The following LRRK1 variants were observed in gnomAD, a reference collection of about 807,000 sequenced individuals.
LRRK1 encodes the protein leucine-rich repeat serine/threonine-protein kinase 1.
A neutral mutation model predicts 209.1 loss-of-function variants in LRRK1; 113 were observed. That is an observed-to-expected ratio of 0.54 (90% CI 0.46 to 0.63). The LOEUF (loss-of-function observed/expected upper bound fraction) is 0.63. Among genes scored for constraint, LRRK1 ranks in the 30% least tolerant of loss-of-function variants. LRRK1 has a pLI of 0.00. For synonymous variants in LRRK1, 1,144 were observed against 1,099.7 expected (o/e 1.04, Z -0.80); for missense variants, 2,284 against 2,632.2 (o/e 0.87, Z 2.89).
chr15:100,948,439 G>A (rs73484806), intron 2 of LRRK1, among the ~76,000 whole-genome samples: 7,921 of 152,294 alleles, frequency 0.052, 611 homozygotes, highest in African/African-American at 0.17. Context: ...TCCCCTCCCT[G>A]TGGGTTGTAC....
chr15:100,927,149 C>A (rs896362914), intron 2 of LRRK1, among the ~76,000 whole-genome samples: 1 of 152,136 alleles, frequency 6.6e-6, no homozygotes, highest in South Asian at 2.1e-4. Flanking sequence ...ATTCAGGAGG[C>A]CTGGGGCACA....
Position 101,027,522 on chromosome 15 carries a change from G to C in LRRK1, c.2527-116G>C, listed in dbSNP as rs897892820. The C allele has an allele frequency of 1.3e-6, 2 of 1,497,664 alleles. No individual in the cohort carries two copies. Among genetic ancestry groups the C allele is most frequent in the African/African-American group, 2.8e-5 (2 of 72,256 alleles). 92.8% of individuals were successfully genotyped at this position (1,497,664 alleles called of 1,614,324 possible). A position where few individuals can be genotyped will look rare whatever the true frequency, so the allele number is the denominator to read the frequency against. On this transcript the variant is annotated intron_variant, in intron 18 of 33. Transcript: ENST00000388948. This position sits in a 1 kb window ranked among gnomAD's most constrained non-coding sequence, Gnocchi z 5.1. ...CTGGTGAGGGAGGGTCAGGATGGAA[G>C]ATAGTGGGTGGAAACGTCCCACCCC...
rs1433318663 is a variant in LRRK1 at position 101,057,984 on chromosome 15, C to T, written c.4528-6C>T. On this transcript the variant is annotated splice_region_variant and splice_polypyrimidine_tract_variant and intron_variant, in intron 28 of 33. Coordinates refer to ENST00000388948, the MANE Select transcript of LRRK1 (RefSeq NM_024652.6). ...TTGCTCTCTTCTGGTGGCTTCTCTC[C>T]CTCAGCGACCGCTGGCCCTGTCGGT... 1 of 1,613,970 alleles carries T rather than the reference C, an allele frequency of 6.2e-7. No individual in the cohort carries two copies. The highest frequency in any genetic ancestry group is 8.5e-7 in the Non-Finnish European group (1 of 1,179,952).
chr15:101,018,931 A>G (rs936111), intron 12 of LRRK1, among the ~76,000 whole-genome samples: 19,549 of 152,294 alleles, frequency 0.13, 1,337 homozygotes, highest in East Asian at 0.16. Context: ...GCTTGTTTGC[A>G]GTAGGATAGT....
intron 7 of LRRK1, among the ~76,000 whole-genome samples, chr15:101,009,548 G>T (rs1026069830): frequency 6.6e-6 from 1 of 152,052 alleles, no homozygotes; most frequent in Non-Finnish European, 1.5e-5. Context: ...GAGCTTGCAT[G>T]GAAGGAGGAA....
At chr15:101,067,053 G>A (rs1567293275) in intron 33 of LRRK1, among the ~76,000 whole-genome samples, 1 of 152,180 alleles carries the variant, frequency 6.6e-6, no homozygotes, top group Non-Finnish European at 1.5e-5. Context: ...GATGCATCCA[G>A]GTCATTGATT....
intron 10 of LRRK1, among the ~76,000 whole-genome samples, chr15:101,013,207 T>G (rs1045506449): frequency 3.9e-5 from 6 of 152,148 alleles, no homozygotes; most frequent in African/African-American, 9.7e-5. Flanking sequence ...TGGCAGGGTC[T>G]CCATAGAATT....
chr15:100,921,884 A>T (rs2141588194), intron 1 of LRRK1, among the ~76,000 whole-genome samples: 1 of 151,996 alleles, frequency 6.6e-6, no homozygotes. Flanking sequence ...TGCCCAGCTA[A>T]TTTTTGTAAT....
intron 2 of LRRK1, among the ~76,000 whole-genome samples, chr15:100,927,110 CT>C (rs1215487259): frequency 6.6e-6 from 1 of 152,212 alleles, no homozygotes; most frequent in Admixed American, 6.5e-5. Flanking sequence ...CACATGTCCC[CT>C]GGGGATCCTG....
At chr15:101,048,833 G>C (rs892976694) in intron 22 of LRRK1, among the ~76,000 whole-genome samples, 176 bp downstream of exon 22, 1 of 152,182 alleles carries the variant, frequency 6.6e-6, no homozygotes, top group African/African-American at 2.4e-5. Flanking sequence ...CAGAGGCTCC[G>C]GTCTCCTCAC....
intron 6 of LRRK1, among the ~76,000 whole-genome samples, chr15:100,998,339 A>T (rs1366228368): frequency 6.6e-6 from 1 of 152,112 alleles, no homozygotes; most frequent in Non-Finnish European, 1.5e-5. Context: ...TCGACCCAGG[A>T]CACCCTGCAG....
Position 101,054,983 on chromosome 15 carries a change from A to G in LRRK1, c.4092A>G (p.Gln1364=). 1 of 1,613,778 alleles carries G rather than the reference A, an allele frequency of 6.2e-7. No individual in the cohort carries two copies. The highest frequency in any genetic ancestry group is 8.5e-7 in the Non-Finnish European group (1 of 1,179,904). ...TACCCCTGGGACACATGCTCACCCAAAAAATAGCCTACCAGATCGCCTCGG... is the reference window on the plus strand; with the variant it reads ...TACCCCTGGGACACATGCTCACCCAGAAAATAGCCTACCAGATCGCCTCGG... The part of the protein sequence containing the change: ...SFIPLGHMLT[Q]KIAYQIASGL... Residue 1364 remains glutamine (Q), a synonymous_variant, in exon 27 of 34, where the codon CAA becomes CAG. Transcript: ENST00000388948.
rs908255252 is a variant in LRRK1 at position 100,973,871 on chromosome 15, G to T, written c.165G>T (p.Thr55=). 6.2e-6 allele frequency: 8 copies of T among 1,287,736 alleles called. No individual in the cohort carries two copies. The highest frequency in any genetic ancestry group is 1.5e-5 in the African/African-American group (1 of 64,706). The allele number at this position is 1,287,736 out of a possible 1,614,324, so 79.8% of individuals were successfully genotyped here. The change falls in exon 3 of 34, where the codon ACG becomes ACT. Residue 55 remains threonine (T), a synonymous_variant. Transcript: ENST00000388948. Reference sequence around the variant, plus strand: ...ACCCTGCAGCGCGGTCCCGCAGGACGGAAGGCATCCGCGCCGCGTACAGGC... The same window carrying T: ...ACCCTGCAGCGCGGTCCCGCAGGACTGAAGGCATCCGCGCCGCGTACAGGC... ...GGDPAARSRR[T]EGIRAAYRRG... is the part of the protein sequence containing the mutation.
intron 17 of LRRK1, among the ~76,000 whole-genome samples, chr15:101,026,379 G>A (rs905144675): frequency 1.3e-5 from 2 of 152,260 alleles, no homozygotes; most frequent in African/African-American, 4.8e-5. Flanking sequence ...CGCCCCAAGG[G>A]CCAGTGCTGA....
intron 33 of LRRK1, 66 bp downstream of exon 33, chr15:101,066,807 A>G: frequency 7.7e-7 from 1 of 1,298,488 alleles, no homozygotes; most frequent in South Asian, 1.2e-5. Context: ...CCCTGCAGCC[A>G]GGTCCTGCAC....
chr15:101,071,485 G>C lies in LRRK1; in HGVS notation c.*2637G>C, dbSNP rs1257006103. On this transcript the variant is annotated 3_prime_UTR_variant, in exon 34 of 34. Coordinates refer to ENST00000388948, the MANE Select transcript of LRRK1 (RefSeq NM_024652.6). ...GCTCACTGCCACCTCCGCCTCCCAG[G>C]TTCAAGCAATTCTCCTGCCTCAGCC... 6.6e-6 allele frequency: 1 copy of C among 152,336 alleles called. No individual in the cohort carries two copies. The highest frequency in any genetic ancestry group is 2.4e-5 in the African/African-American group (1 of 41,446). The allele number at this position is 152,336 out of a possible 1,614,324, so 9.4% of individuals were successfully genotyped here. A position where few individuals can be genotyped will look rare whatever the true frequency, so the allele number is the denominator to read the frequency against.
chr15:101,024,345 A>T lies in LRRK1; in HGVS notation c.2068-458A>T, dbSNP rs2033926239. 1.3e-5 allele frequency among the ~76,000 whole-genome samples: 2 copies of T among 152,194 alleles called. No individual in the cohort carries two copies. The highest frequency in any genetic ancestry group is 2.9e-5 in the Non-Finnish European group (2 of 68,026). Reference sequence around the variant, plus strand: ...AGCCCAACAGCTCATCTTTTGTTTGATTCCCACAGGGTGGGAGGGAGTTTC... The same window carrying T: ...AGCCCAACAGCTCATCTTTTGTTTGTTTCCCACAGGGTGGGAGGGAGTTTC... On this transcript the variant is annotated intron_variant, in intron 15 of 33. Coordinates refer to ENST00000388948, the MANE Select transcript of LRRK1 (RefSeq NM_024652.6). The surrounding 1 kb of genome is among the most constrained non-coding windows in gnomAD (Gnocchi z 4.6).
Position 101,021,767 on chromosome 15 carries a change from CGTGTGTGCGTGTGTGTGTGT to C in LRRK1, c.1740-70_1740-51del, listed in dbSNP as rs1307667357. On this transcript the variant is annotated intron_variant, in intron 13 of 33. Transcript: ENST00000388948. Reference sequence around the variant, plus strand: ...AGGCTGCAGAGGCTGACAGGAGCCACGTGTGTGCGTGTGTGTGTGTGTGTGTGTGTGTGTGTGTGTGTGTG... The same window carrying C: ...AGGCTGCAGAGGCTGACAGGAGCCACGTGTGTGTGTGTGTGTGTGTGTGTG... The C allele has an allele frequency of 1.0e-5, 9 of 901,376 alleles. No individual in the cohort carries two copies. The Admixed American group carries it at 2.5e-4, about 25-fold the overall frequency. The allele number at this position is 901,376 out of a possible 1,614,324, so 55.8% of individuals were successfully genotyped here.
chr15:101,027,537 C>A lies in LRRK1; in HGVS notation c.2527-101C>A. 6.7e-7 allele frequency: 1 copy of A among 1,491,426 alleles called. No individual in the cohort carries two copies. The highest frequency in any genetic ancestry group is 9.0e-7 in the Non-Finnish European group (1 of 1,105,462). 92.4% of individuals were successfully genotyped at this position (1,491,426 alleles called of 1,614,324 possible). On this transcript the variant is annotated intron_variant, in intron 18 of 33. Coordinates refer to ENST00000388948, the MANE Select transcript of LRRK1 (RefSeq NM_024652.6). This position sits in a 1 kb window ranked among gnomAD's most constrained non-coding sequence, Gnocchi z 5.1. ...CAGGATGGAAGATAGTGGGTGGAAA[C>A]GTCCCACCCCCTCAGGCCACAGGGG...
Sources: gnomAD v4.1 joint callset for allele counts (sites outside exome capture counted in the v4.1 genomes callset) on GRCh38, gnomAD v4.1.1 for gene constraint, Gnocchi (gnomAD v3.1) non-coding constraint, MANE v1.5 for transcripts, NCBI Gene and HGNC (gene_info 2026-07-23, HGNC 2026-07-21) for gene names.